Variants in PTPRC observed in about 807,000 individuals in gnomAD.
PTPRC encodes protein tyrosine phosphatase receptor type C.
A neutral mutation model predicts 155.9 loss-of-function variants in PTPRC; 44 were observed. The observed-to-expected ratio is 0.28, with a 90% CI of 0.22 to 0.36. The LOEUF (loss-of-function observed/expected upper bound fraction) is 0.36, where lower values mean the gene tolerates loss of function less well. PTPRC is among the 10% of genes least tolerant of loss of function. The pLI is 1.00. For missense variants in PTPRC, 1,401 were observed against 1,564.6 expected (o/e 0.90, Z 1.76); for synonymous variants, 525 against 533.1 (o/e 0.98, Z 0.21).
At chr1:198,750,375 C>T (rs1250357408) in intron 28 of PTPRC, 117 bp from the exon 29 acceptor site, 2 of 1,047,748 alleles carry the variant, frequency 1.9e-6, no homozygotes, top group East Asian at 2.4e-5. Flanking sequence ...AAGAATATTA[C>T]TATTTGTATG....
intron 2 of PTPRC, among the ~76,000 whole-genome samples, chr1:198,644,209 T>C (rs1662805294): frequency 6.6e-6 from 1 of 151,908 alleles, no homozygotes; most frequent in African/African-American, 2.4e-5. Flanking sequence ...ATCTTCAGTT[T>C]AAAATTAATT....
chr1:198,639,772 A>C (rs1007518936), intron 2 of PTPRC, among the ~76,000 whole-genome samples: 7 of 151,956 alleles, frequency 4.6e-5, no homozygotes, highest in African/African-American at 7.2e-5. Context: ...TATGTAAGCC[A>C]CTCCCTCTTT....
chr1:198,704,464 C>T lies in PTPRC; in HGVS notation c.659-8C>T. ...TTTAATAATTTACATTTTTTTTCTC[C>T]ATTACAGCTACTACTCCATCTAAGC... On this transcript the variant is annotated splice_polypyrimidine_tract_variant and splice_region_variant and intron_variant, in intron 7 of 32. Transcript: ENST00000442510. 1 of 1,613,662 alleles carries T rather than the reference C, an allele frequency of 6.2e-7. No homozygotes were observed. Among genetic ancestry groups the T allele is most frequent in the Non-Finnish European group, 8.5e-7 (1 of 1,179,858 alleles).
chr1:198,664,751 A>C (rs886863199), intron 2 of PTPRC, among the ~76,000 whole-genome samples: 1 of 152,126 alleles, frequency 6.6e-6, no homozygotes, highest in Non-Finnish European at 1.5e-5. Context: ...CTCCTCTCCG[A>C]GGTCCCTTAT....
chr1:198,692,375 T>G lies in PTPRC; in HGVS notation c.100+2T>G. 6.8e-7 allele frequency: 1 copy of G among 1,464,890 alleles called. No individual in the cohort carries two copies. The highest frequency in any genetic ancestry group is 9.1e-7 in the Non-Finnish European group (1 of 1,101,274). The allele number at this position is 1,464,890 out of a possible 1,614,324, so 90.7% of individuals were successfully genotyped here. A position where few individuals can be genotyped will look rare whatever the true frequency, so the allele number is the denominator to read the frequency against. On this transcript the variant is annotated splice_donor_variant, in intron 3 of 32. Transcript: ENST00000442510. LOFTEE classifies it high-confidence loss of function. ...AAAGCCCAACACCTTCCCCCACTGGTAAGAATTAATATTTATATTTTTACT... is the reference window on the plus strand; with the variant it reads ...AAAGCCCAACACCTTCCCCCACTGGGAAGAATTAATATTTATATTTTTACT...
chr1:198,724,567 G>A (rs1212746644), intron 15 of PTPRC, among the ~76,000 whole-genome samples: 4 of 151,858 alleles, frequency 2.6e-5, no homozygotes, highest in Admixed American at 2.6e-4. Context: ...TCTGGCACTT[G>A]TTCAGTGTAT....
intron 10 of PTPRC, among the ~76,000 whole-genome samples, 171 bp downstream of exon 10, chr1:198,708,432 C>A (rs745971050): frequency 6.6e-6 from 1 of 151,856 alleles, no homozygotes; most frequent in Admixed American, 6.6e-5. Context: ...TATTTAGAGT[C>A]AAATAATTAA....
intron 17 of PTPRC, 141 bp downstream of exon 17, chr1:198,729,312 G>A: frequency 9.5e-7 from 1 of 1,049,330 alleles, no homozygotes; most frequent in Non-Finnish European, 1.3e-6. Flanking sequence ...TGCAATCTCT[G>A]CTTATTGCAG....
At chr1:198,703,480 A>T (rs1666565122) in intron 7 of PTPRC, 108 bp downstream of exon 7, 2 of 1,571,424 alleles carry the variant, frequency 1.3e-6, no homozygotes, top group East Asian at 4.5e-5. Flanking sequence ...TTTAAGTTGC[A>T]TTAAGTGTTT....
At chr1:198,668,563 GAGATAGCATAAGTA>G (rs1664454437) in intron 2 of PTPRC, among the ~76,000 whole-genome samples, 1 of 152,168 alleles carries the variant, frequency 6.6e-6, no homozygotes, top group Admixed American at 6.5e-5. Context: ...TTAACAGTAT[GAGATAGCATAAGTA>G]AGGGGGCCTG....
chr1:198,669,348 G>A (rs563637470), intron 2 of PTPRC, among the ~76,000 whole-genome samples: 10 of 152,124 alleles, frequency 6.6e-5, no homozygotes, highest in African/African-American at 9.6e-5. Flanking sequence ...TCTGGTGCCC[G>A]CAGGCACCCA....
At chr1:198,659,675 C>T (rs1286900186) in intron 2 of PTPRC, among the ~76,000 whole-genome samples, 1 of 151,506 alleles carries the variant, frequency 6.6e-6, no homozygotes, top group Non-Finnish European at 1.5e-5. Flanking sequence ...GCTGGGATTA[C>T]AGGCATGCAC....
chr1:198,722,299 T>C (rs1653924869), intron 14 of PTPRC, 117 bp from the exon 15 acceptor site: 2 of 401,930 alleles, frequency 5.0e-6, no homozygotes, highest in Non-Finnish European at 7.8e-6. Flanking sequence ...CATACTTTTA[T>C]TGTATGCATG....
rs1194928539 is a variant in PTPRC, at chr1:198,716,076, T to C, written c.1292-606T>C. Among the ~76,000 whole-genome samples the C allele has an allele frequency of 8.5e-5, 13 of 152,190 alleles. No homozygotes were observed. The East Asian group carries it at 2.5e-3, about 29-fold the overall frequency. On this transcript the variant is annotated intron_variant, in intron 12 of 32. Coordinates refer to ENST00000442510, the MANE Select transcript of PTPRC (RefSeq NM_002838.5). The stretch of plus-strand genomic sequence containing the variant: ...AAAACATTCCTTCTTCCGTTTGTAA[T>C]ATTTTCTTTTCTCCCTTACATGTAT...
chr1:198,640,369 T>C (rs1487295263), intron 2 of PTPRC, among the ~76,000 whole-genome samples: 3 of 152,034 alleles, frequency 2.0e-5, no homozygotes, highest in Non-Finnish European at 4.4e-5. Flanking sequence ...TTTTGACTTT[T>C]ACCGTTCTTC....
rs1655223671 is a variant in PTPRC, at chr1:198,748,122, A to G, written c.2861A>G (p.Tyr954Cys). The G allele has an allele frequency of 1.3e-6, 2 of 1,591,250 alleles. No homozygotes were observed. The highest frequency in any genetic ancestry group is 8.5e-7 in the Non-Finnish European group (1 of 1,170,232). ...TTTTTTTTTCAGAGACTTCCTTCAT[A>G]TAGGAGCTGGAGGACACAGCACATT... Reference protein sequence around the residue: ...LEAEFQRLPSYRSWRTQHIGN... With the variant: ...LEAEFQRLPSCRSWRTQHIGN... The change falls in exon 27 of 33, where the codon TAT becomes TGT. Residue 954 changes from tyrosine to cysteine, a missense_variant. This residue lies in a region of PTPRC where 134 missense variants were observed against 204.7 expected (regional missense o/e 0.65). Coordinates refer to ENST00000442510, the MANE Select transcript of PTPRC (RefSeq NM_002838.5).
rs934669299 is a variant in PTPRC at position 198,756,460 on chromosome 1, G to GTGTT, written c.*283_*286dup. On this transcript the variant is annotated 3_prime_UTR_variant, in exon 33 of 33. Coordinates refer to ENST00000442510, the MANE Select transcript of PTPRC (RefSeq NM_002838.5). ...TGTATATGTATGTGTGTATGGGTGT[G>GTGTT]TGTTTGTGTGAGAGACAGAGAAAGA... The GTGTT allele has an allele frequency of 6.6e-6, 2 of 304,788 alleles. No homozygotes were observed. Among genetic ancestry groups the GTGTT allele is most frequent in the Non-Finnish European group, 1.2e-5 (2 of 163,368 alleles). 18.9% of individuals were successfully genotyped at this position (304,788 alleles called of 1,614,324 possible).
intron 15 of PTPRC, among the ~76,000 whole-genome samples, chr1:198,723,067 C>T (rs1251180598): frequency 6.6e-6 from 1 of 150,742 alleles, no homozygotes; most frequent in Non-Finnish European, 1.5e-5. Flanking sequence ...TGCCAGGCAA[C>T]CACTTTTAAC....
chr1:198,659,926 A>G (rs764788596), intron 2 of PTPRC, among the ~76,000 whole-genome samples: 1 of 150,966 alleles, frequency 6.6e-6, no homozygotes, highest in Non-Finnish European at 1.5e-5. Context: ...TTTAAAATGC[A>G]TATCATCATA....
Sources: allele counts gnomAD v4.1 joint callset (sites outside exome capture counted in the v4.1 genomes callset), GRCh38; gene constraint gnomAD v4.1.1; regional missense constraint gnomAD v4.1.1; transcripts MANE v1.5; gene names NCBI Gene and HGNC (gene_info 2026-07-23, HGNC 2026-07-21).